The following PPP2R1A variants were observed in gnomAD, a reference collection of about 807,000 sequenced individuals.
The protein encoded by PPP2R1A is protein phosphatase 2 scaffold subunit Aalpha, also known as serine/threonine-protein phosphatase 2A 65 kDa regulatory subunit A alpha isoform.
A neutral mutation model predicts 67.1 loss-of-function variants in PPP2R1A; 15 were observed. The observed-to-expected ratio is 0.22, with a 90% CI of 0.15 to 0.34. The LOEUF (loss-of-function observed/expected upper bound fraction) is 0.34, where lower values mean the gene tolerates loss of function less well. Ranked by LOEUF, PPP2R1A falls within the 10% of genes least tolerant of loss-of-function variation. The pLI is 1.00. For missense variants in PPP2R1A, 369 were observed against 775.0 expected, an observed-to-expected ratio of 0.48 and a Z score of 6.22; for synonymous variants, 337 against 325.0, an observed-to-expected ratio of 1.04 and a Z score of -0.40.
intron 9 of PPP2R1A, among the ~76,000 whole-genome samples, chr19:52,217,044 G>A (rs921419828): frequency 6.6e-6 from 1 of 152,144 alleles, no homozygotes; most frequent in African/African-American, 2.4e-5. Flanking sequence ...GCAAAAATTA[G>A]CCAGGCATGG....
In PPP2R1A at chr19:52,229,296, T is replaced by G. The variant is rs931336989; in HGVS notation, c.*3315T>G. 8.6e-5 allele frequency: 13 copies of G among 151,862 alleles called. No individual in the cohort carries two copies. The highest frequency in any genetic ancestry group is 5.9e-4 in the Admixed American group (9 of 15,236). The allele number at this position is 151,862 out of a possible 1,614,324, so 9.4% of individuals were successfully genotyped here. The stretch of plus-strand genomic sequence containing the variant: ...TGTCTTTACTAAAAATATGAAAAAA[T>G]TAGCTGGGCGTGGTGGAGGGCGCCT... On this transcript the variant is annotated 3_prime_UTR_variant, in exon 15 of 15. Transcript: ENST00000322088.
intron 9 of PPP2R1A, among the ~76,000 whole-genome samples, chr19:52,217,730 G>T (rs1240637133): frequency 6.6e-6 from 1 of 151,962 alleles, no homozygotes; most frequent in Non-Finnish European, 1.5e-5. Context: ...CCTCACATGT[G>T]CTTGCACCCC....
chr19:52,216,756 G>A lies in PPP2R1A; in HGVS notation c.1128+93G>A. On this transcript the variant is annotated intron_variant, in intron 9 of 14. Coordinates refer to ENST00000322088, the MANE Select transcript of PPP2R1A (RefSeq NM_014225.6). This position sits in a 1 kb window ranked among gnomAD's most constrained non-coding sequence, Gnocchi z 4.3. ...GTTTACCTAGATTGACCAGGAATCT[G>A]CTGATATCTCAACAGACATCCAGAT... The A allele has an allele frequency of 1.9e-6, 3 of 1,561,340 alleles. No homozygotes were observed. Among genetic ancestry groups the A allele is most frequent in the South Asian group, 2.3e-5 (2 of 88,114 alleles).
chr19:52,222,377 C>A, intron 13 of PPP2R1A, 136 bp downstream of exon 13: 1 of 1,288,498 alleles, frequency 7.8e-7, no homozygotes, highest in Non-Finnish European at 1.0e-6. Context: ...GCTCCCTTCC[C>A]TTCTCAAGGT....
intron 13 of PPP2R1A, 200 bp downstream of exon 13, chr19:52,222,441 G>T: frequency 1.3e-6 from 1 of 747,838 alleles, no homozygotes; most frequent in Non-Finnish European, 2.0e-6. Flanking sequence ...AAGAGGGGGT[G>T]ATGGGTTGGC....
chr19:52,195,794 C>T (rs1469266360), intron 1 of PPP2R1A, among the ~76,000 whole-genome samples: 1 of 152,096 alleles, frequency 6.6e-6, no homozygotes, highest in African/African-American at 2.4e-5. Context: ...TTGGGTGCAC[C>T]ACCCTCCAGG....
intron 3 of PPP2R1A, among the ~76,000 whole-genome samples, chr19:52,207,732 A>G (rs894316084): frequency 6.6e-6 from 1 of 152,214 alleles, no homozygotes; most frequent in Middle Eastern, 3.2e-3. Flanking sequence ...AGATGAGGAA[A>G]CTGAGGCACA....
intron 6 of PPP2R1A, among the ~76,000 whole-genome samples, chr19:52,214,781 C>T (rs1177054353): frequency 2.0e-5 from 3 of 150,534 alleles, no homozygotes; most frequent in African/African-American, 4.9e-5. Context: ...GGCTGGAGTA[C>T]GGTGGCACAA....
At chr19:52,221,817 C>T (rs547509231) in intron 12 of PPP2R1A, among the ~76,000 whole-genome samples, 51 of 152,176 alleles carry the variant, frequency 3.4e-4, no homozygotes, top group Non-Finnish European at 5.0e-4. Flanking sequence ...TTTCTTCCCA[C>T]GCCACTCTCT....
chr19:52,206,419 A>G (rs1033886479), intron 3 of PPP2R1A, among the ~76,000 whole-genome samples: 3 of 152,190 alleles, frequency 2.0e-5, no homozygotes, highest in Admixed American at 6.5e-5. Context: ...CATCTGCACA[A>G]TGGGGTTATG....
intron 1 of PPP2R1A, among the ~76,000 whole-genome samples, chr19:52,200,807 C>G (rs1241836430): frequency 8.8e-6 from 1 of 113,018 alleles, no homozygotes; most frequent in Non-Finnish European, 2.0e-5. Flanking sequence ...TGCGTGCCTT[C>G]CCCTCTGTAT....
Position 52,211,171 on chromosome 19 carries a change from G to A in PPP2R1A, c.271-89G>A. 7.9e-7 allele frequency: 1 copy of A among 1,263,184 alleles called. No individual in the cohort carries two copies. The highest frequency in any genetic ancestry group is 2.2e-5 in the Admixed American group (1 of 45,026). 78.2% of individuals were successfully genotyped at this position (1,263,184 alleles called of 1,614,324 possible). ...GTAATAGGGAAGTTTTCTCTGAGGA[G>A]ATGAGCCCATGATGGGGTGCAGGAT... On this transcript the variant is annotated intron_variant, in intron 3 of 14. Coordinates refer to ENST00000322088, the MANE Select transcript of PPP2R1A (RefSeq NM_014225.6). The surrounding 1 kb of genome is among the most constrained non-coding windows in gnomAD (Gnocchi z 5.3).
intron 1 of PPP2R1A, among the ~76,000 whole-genome samples, chr19:52,194,677 C>T (rs1435840216): frequency 3.9e-5 from 6 of 151,998 alleles, no homozygotes; most frequent in Non-Finnish European, 8.8e-5. Context: ...AAGTTTGAAC[C>T]CCCGCTCTGC....
chr19:52,216,716 TC>T lies in PPP2R1A; in HGVS notation c.1128+55del. 2 of 1,612,484 alleles carry T rather than the reference TC, an allele frequency of 1.2e-6. No homozygotes were observed. The highest frequency in any genetic ancestry group is 1.1e-5 in the South Asian group (1 of 91,040). Reference sequence around the variant, plus strand: ...GTTTGTGGAGGGGACAGGCGGGTCTTCCTAGATTGCTAGGGTTTACCTAGAT... The same window carrying T: ...GTTTGTGGAGGGGACAGGCGGGTCTTCTAGATTGCTAGGGTTTACCTAGAT... On this transcript the variant is annotated intron_variant, in intron 9 of 14. Coordinates refer to ENST00000322088, the MANE Select transcript of PPP2R1A (RefSeq NM_014225.6). This position sits in a 1 kb window ranked among gnomAD's most constrained non-coding sequence, Gnocchi z 4.3.
intron 1 of PPP2R1A, among the ~76,000 whole-genome samples, chr19:52,198,853 C>CA (rs911481808): frequency 6.6e-6 from 1 of 152,194 alleles, no homozygotes; most frequent in Non-Finnish European, 1.5e-5. Flanking sequence ...ATACATACCT[C>CA]AGAGCAGTTA....
At position 52,228,747 on chromosome 19, in the gene PPP2R1A, A is replaced by G. The variant is rs1348793911; in HGVS notation, c.*2766A>G. 1 of 152,252 alleles carries G rather than the reference A, an allele frequency of 6.6e-6. No individual in the cohort carries two copies. Among genetic ancestry groups the G allele is most frequent in the Non-Finnish European group, 1.5e-5 (1 of 68,078 alleles). 9.4% of individuals were successfully genotyped at this position (152,252 alleles called of 1,614,324 possible). ...TCCACAGCACTGTTCTTCAGAGCCCACACACAAATTTTGTCTCCTTTTGTG... is the reference window on the plus strand; with the variant it reads ...TCCACAGCACTGTTCTTCAGAGCCCGCACACAAATTTTGTCTCCTTTTGTG... On this transcript the variant is annotated 3_prime_UTR_variant, in exon 15 of 15. Transcript: ENST00000322088.
intron 3 of PPP2R1A, among the ~76,000 whole-genome samples, chr19:52,206,579 C>T (rs1428576870): frequency 1.3e-5 from 2 of 152,082 alleles, no homozygotes; most frequent in Admixed American, 6.6e-5. Context: ...ATGGGTGAGC[C>T]ACCTGGAGCA....
At chr19:52,201,802 G>T (rs1413565800) in intron 1 of PPP2R1A, 142 bp from the exon 2 acceptor site, 21 of 657,538 alleles carry the variant, frequency 3.2e-5, no homozygotes, top group Non-Finnish European at 1.3e-5. Flanking sequence ...GTCTCTTGGT[G>T]GGTGTTTGCC....
Position 52,226,072 on chromosome 19 carries a change from G to A in PPP2R1A, c.*91G>A. The A allele has an allele frequency of 1.3e-6, 2 of 1,583,888 alleles. No homozygotes were observed. Among genetic ancestry groups the A allele is most frequent in the Non-Finnish European group, 1.7e-6 (2 of 1,153,434 alleles). On this transcript the variant is annotated 3_prime_UTR_variant, in exon 15 of 15. Transcript: ENST00000322088. The stretch of plus-strand genomic sequence containing the variant: ...GGGAGACACTGGGGGGCCTTTGGCT[G>A]TCACTCCCTGTGCATGGTCTGACCC...
Sources: allele counts gnomAD v4.1 joint callset (sites outside exome capture counted in the v4.1 genomes callset), GRCh38; gene constraint gnomAD v4.1.1; non-coding constraint Gnocchi (gnomAD v3.1); transcripts MANE v1.5; gene names NCBI Gene and HGNC (gene_info 2026-07-23, HGNC 2026-07-21).